Variants in SELP observed in about 807,000 individuals in gnomAD.
The protein encoded by SELP is selectin P, also known as P-selectin.
Under a neutral mutation model 104.1 loss-of-function variants are expected in SELP, and 92 were observed. The observed-to-expected ratio is 0.88, with a 90% CI of 0.75 to 1.05. SELP has a LOEUF of 1.05. Among genes scored for constraint, SELP ranks in the 50% least tolerant of loss-of-function variants. The pLI is 0.00. For missense variants in SELP, 1,022 were observed against 1,017.3 expected (o/e 1.00, Z -0.06); for synonymous variants, 397 against 364.5 (o/e 1.09, Z -1.01).
chr1:169,605,483 G>T (rs1303626417), intron 9 of SELP, among the ~76,000 whole-genome samples: 6 of 145,618 alleles, frequency 4.1e-5, no homozygotes, highest in Non-Finnish European at 9.0e-5. Flanking sequence ...TGGGGTGTGT[G>T]TGTGGGGGGT....
intron 8 of SELP, 83 bp downstream of exon 8, chr1:169,609,421 A>C: frequency 1.5e-6 from 2 of 1,338,566 alleles, no homozygotes. Flanking sequence ...TCTGATAAAG[A>C]AAGGCATGCC....
chr1:169,614,309 A>G (rs1283865366), intron 3 of SELP, among the ~76,000 whole-genome samples: 1 of 144,062 alleles, frequency 6.9e-6, no homozygotes, highest in African/African-American at 2.8e-5. Flanking sequence ...TAAAGGACAA[A>G]CAATCTTATG....
intron 10 of SELP, among the ~76,000 whole-genome samples, chr1:169,601,976 T>C (rs1050013791): frequency 1.3e-5 from 2 of 152,196 alleles, no homozygotes; most frequent in African/African-American, 2.4e-5. Flanking sequence ...AAACAGGAGC[T>C]ATGAATTAAT....
chr1:169,590,268 C>T (rs765818028), intron 15 of SELP, 66 bp from the exon 16 acceptor site: 7 of 1,175,840 alleles, frequency 6.0e-6, no homozygotes, highest in Non-Finnish European at 8.8e-6. Context: ...CAGTCCAACA[C>T]ATAGTATTTC....
intron 10 of SELP, among the ~76,000 whole-genome samples, chr1:169,602,466 C>T (rs1661956982): frequency 6.6e-6 from 1 of 152,224 alleles, no homozygotes; most frequent in African/African-American, 2.4e-5. Flanking sequence ...TTTTCACTTA[C>T]TAACAGTGTG....
At chr1:169,621,926 T>C (rs3917686) in intron 1 of SELP, among the ~76,000 whole-genome samples, 32,095 of 152,122 alleles carry the variant, frequency 0.21, 5,102 homozygotes, top group African/African-American at 0.45. Context: ...CCATTCCAAA[T>C]GCTGAAGTGG....
intron 9 of SELP, among the ~76,000 whole-genome samples, chr1:169,606,074 T>C (rs1238862415): frequency 1.3e-5 from 2 of 152,152 alleles, no homozygotes; most frequent in Non-Finnish European, 2.9e-5. Context: ...ACCAGCACTG[T>C]GGGAGGCCGA....
chr1:169,592,754 G>A (rs1661411597), intron 14 of SELP, among the ~76,000 whole-genome samples: 1 of 152,056 alleles, frequency 6.6e-6, no homozygotes, highest in South Asian at 2.1e-4. Context: ...AAATTTTCAG[G>A]AGAAAAAGCA....
At chr1:169,627,937 C>T (rs1254078409) in intron 1 of SELP, among the ~76,000 whole-genome samples, 1 of 152,078 alleles carries the variant, frequency 6.6e-6, no homozygotes, top group African/African-American at 2.4e-5. Context: ...GCTCTGTCAC[C>T]CAGGCTGGAG....
chr1:169,598,134 A>T (rs1259053965), intron 10 of SELP, among the ~76,000 whole-genome samples: 9 of 152,204 alleles, frequency 5.9e-5, no homozygotes. Flanking sequence ...TTAAATTTTA[A>T]TTCACAATTT....
At chr1:169,612,508 C>T (rs1318131958) in intron 5 of SELP, 106 bp from the exon 6 acceptor site, 4 of 1,000,230 alleles carry the variant, frequency 4.0e-6, no homozygotes, top group Admixed American at 2.1e-5. Context: ...AAGTGGCAGG[C>T]AGGTTGATGC....
Position 169,609,523 on chromosome 1 carries a change from T to C in SELP, c.1314A>G (p.Ala438=), listed in dbSNP as rs1413134646. The C allele has an allele frequency of 1.2e-6, 2 of 1,613,368 alleles. No homozygotes were observed. Among genetic ancestry groups the C allele is most frequent in the Non-Finnish European group, 1.7e-6 (2 of 1,179,644 alleles). The change falls in exon 8 of 17, where the codon GCA becomes GCG. Residue 438 remains alanine, a synonymous_variant. Transcript: ENST00000263686. The part of the protein sequence containing the change: ...VRCDNLGQWT[A]PAPVCQALQC... ...CAGTACCTTGACAGACTGGGGCTGG[T>C]GCTGTCCACTGTCCCAAGTTATCAC...
chr1:169,594,583 A>G, intron 13 of SELP, 109 bp downstream of exon 13: 1 of 1,039,720 alleles, frequency 9.6e-7, no homozygotes, highest in Admixed American at 2.4e-5. Context: ...AAGCAGGGGG[A>G]AACCCGGGGA....
At chr1:169,592,206 C>T (rs1661385850) in intron 14 of SELP, among the ~76,000 whole-genome samples, 1 of 152,196 alleles carries the variant, frequency 6.6e-6, no homozygotes, top group Non-Finnish European at 1.5e-5. Flanking sequence ...CTCAGTACAT[C>T]TCTTTGGTAT....
At chr1:169,593,498 A>G in intron 14 of SELP, 107 bp downstream of exon 14, 1 of 843,696 alleles carries the variant, frequency 1.2e-6, no homozygotes, top group East Asian at 2.6e-5. Flanking sequence ...GTTTTCCAAC[A>G]TGAACTACTG....
chr1:169,621,204 A>C (rs534319107), intron 1 of SELP, among the ~76,000 whole-genome samples: 3 of 130,510 alleles, frequency 2.3e-5, no homozygotes, highest in Non-Finnish European at 3.2e-5. Flanking sequence ...GTGATGGATG[A>C]TGTAGGGTGC....
chr1:169,629,512 G>A (rs1663532880), intron 1 of SELP, among the ~76,000 whole-genome samples: 3 of 152,184 alleles, frequency 2.0e-5, no homozygotes, highest in Admixed American at 2.0e-4. Context: ...GAGTCTTAGG[G>A]CAGAAAAGGA....
Position 169,607,095 on chromosome 1 carries a change from C to T in SELP, c.1373G>A (p.Arg458Gln), listed in dbSNP as rs35392020. 82 of 1,607,140 alleles carry T rather than the reference C, an allele frequency of 5.1e-5. No individual in the cohort carries two copies. In the African/African-American group the frequency reaches 7.7e-4, roughly 15 times the overall value. ...ACCGAAGGGGTGGGAGCAGTTCACC[C>T]GGGCCTCATTTGGAACTGGGAGATC... is the stretch of plus-strand genomic sequence containing the variant. ...CQDLPVPNEA[R>Q]VNCSHPFGAF... Residue 458 changes from arginine (R) to glutamine (Q), a missense_variant, in exon 9 of 17, where the codon CGG becomes CAG. Arg to Gln is a conservative substitution (Grantham distance 43). Coordinates refer to ENST00000263686, the MANE Select transcript of SELP (RefSeq NM_003005.4).
In SELP at chr1:169,603,117, G is replaced by A. The variant is rs1466561340; in HGVS notation, c.1614C>T (p.Phe538=). ...ACAAAGAATATCCCTCGTCACAGAT[G>A]AATTGACATGTGGATTTATAACTGG... ...GSSSYKSTCQ[F]ICDEGYSLSG... The change falls in exon 10 of 17, where the codon TTC becomes TTT. Residue 538 remains phenylalanine, a synonymous_variant. Transcript: ENST00000263686. 1 of 1,614,036 alleles carries A rather than the reference G, an allele frequency of 6.2e-7. No homozygotes were observed. Among genetic ancestry groups the A allele is most frequent in the Non-Finnish European group, 8.5e-7 (1 of 1,179,946 alleles).
Sources: allele counts gnomAD v4.1 joint callset (sites outside exome capture counted in the v4.1 genomes callset), GRCh38; gene constraint gnomAD v4.1.1; transcripts MANE v1.5; gene names NCBI Gene and HGNC (gene_info 2026-07-23, HGNC 2026-07-21).